CHMP6: variants seen among roughly 807,000 people sequenced by gnomAD.
The protein encoded by CHMP6 is charged multivesicular body protein 6, also known as chromatin-modifying protein 6.
In CHMP6, 10 loss-of-function variants were observed where a neutral mutation model predicts 32.8. The ratio of observed to expected loss-of-function variants is 0.30; its 90% CI spans 0.19 to 0.52. The LOEUF (loss-of-function observed/expected upper bound fraction) is 0.52. CHMP6 is among the 20% of genes least tolerant of loss of function. The pLI, the probability that CHMP6 is intolerant of heterozygous loss-of-function variation, is 0.97. For synonymous variants in CHMP6, 123 were observed against 105.8 expected (o/e 1.16, Z -1.00); for missense variants, 269 against 263.8 (o/e 1.02, Z -0.14).
At chr17:80,997,194 A>C in intron 5 of CHMP6, 67 bp from the exon 6 acceptor site, 3 of 1,603,478 alleles carry the variant, frequency 1.9e-6, no homozygotes, top group Non-Finnish European at 2.6e-6. Context: ...ACCCAGCCAC[A>C]GGCCATCTCC....
intron 3 of CHMP6, among the ~76,000 whole-genome samples, chr17:80,995,379 A>G (rs919503111): frequency 1.3e-5 from 2 of 152,108 alleles, no homozygotes; most frequent in African/African-American, 4.8e-5. Context: ...AGGGGTCTGC[A>G]TGGGGACTGA....
At chr17:80,994,372 G>A (rs2069618241) in intron 1 of CHMP6, among the ~76,000 whole-genome samples, 1 of 152,204 alleles carries the variant, frequency 6.6e-6, no homozygotes, top group African/African-American at 2.4e-5. Flanking sequence ...CTCTGGTGGG[G>A]CCGCCTCTTG....
Position 80,991,942 on chromosome 17 carries a change from G to C in CHMP6, c.24G>C (p.Lys8Asn). 1 of 1,468,682 alleles carries C rather than the reference G, an allele frequency of 6.8e-7. No homozygotes were observed. Among genetic ancestry groups the C allele is most frequent in the Non-Finnish European group, 9.1e-7 (1 of 1,104,032 alleles). The allele number at this position is 1,468,682 out of a possible 1,614,324, so 91.0% of individuals were successfully genotyped here. A position where few individuals can be genotyped will look rare whatever the true frequency, so the allele number is the denominator to read the frequency against. The change falls in exon 1 of 8, where the codon AAG becomes AAC. Residue 8 changes from lysine to asparagine, a missense_variant. Physicochemically the swap from Lys to Asn is moderately conservative, Grantham distance 94. Transcript: ENST00000325167. ...CCATGGGTAACCTGTTCGGCCGCAA[G>C]AAGCAGAGCCGCGTCACGGAGCAGG... The part of the protein sequence containing the change: MGNLFGR[K>N]KQSRVTEQDK...
chr17:80,995,212 A>T, intron 3 of CHMP6, 106 bp downstream of exon 3: 1 of 1,124,750 alleles, frequency 8.9e-7, no homozygotes, highest in Non-Finnish European at 1.3e-6. Flanking sequence ...AGCTCCTCTC[A>T]GATGCCTCGG....
chr17:80,993,971 GGCATACTCTCGGCTCACT>G (rs2144146283), intron 1 of CHMP6, among the ~76,000 whole-genome samples: 1 of 152,170 alleles, frequency 6.6e-6, no homozygotes, highest in South Asian at 2.1e-4. Flanking sequence ...GGAACACAGT[GGCATACTCTCGGCTCACT>G]GCAAGCTCTG....
intron 6 of CHMP6, 132 bp downstream of exon 6, chr17:80,997,473 T>A: frequency 1.3e-6 from 1 of 746,898 alleles, no homozygotes; most frequent in Non-Finnish European, 2.2e-6. Context: ...GGTTTGTGAC[T>A]GGTTTTCCTA....
rs559321362 is a variant in CHMP6 at position 80,991,882 on chromosome 17, G to C, written c.-37G>C. On this transcript the variant is annotated 5_prime_UTR_variant, in exon 1 of 8. Coordinates refer to ENST00000325167, the MANE Select transcript of CHMP6 (RefSeq NM_024591.5). ...TGGCCGCGGGGCGGCGGTGGCGATT[G>C]GACTTGGTGGGTCCCGGGCCAGGGG... 2.9e-6 allele frequency: 4 copies of C among 1,381,672 alleles called. No individual in the cohort carries two copies. The South Asian group carries it at 6.3e-5, about 22-fold the overall frequency. The allele number at this position is 1,381,672 out of a possible 1,614,324, so 85.6% of individuals were successfully genotyped here.
rs138094117 is a variant in CHMP6 at position 80,994,495 on chromosome 17, G to A, written c.64-86G>A. 1,813 of 1,248,220 alleles carry A rather than the reference G, an allele frequency of 1.5e-3. 16 individuals carry two copies. In the African/African-American group the frequency reaches 0.025, roughly 18 times the overall value. 77.3% of individuals were successfully genotyped at this position (1,248,220 alleles called of 1,614,324 possible). A position where few individuals can be genotyped will look rare whatever the true frequency, so the allele number is the denominator to read the frequency against. On this transcript the variant is annotated intron_variant, in intron 1 of 7. Coordinates refer to ENST00000325167, the MANE Select transcript of CHMP6 (RefSeq NM_024591.5). ...CCATGAAGGACACTCACGGAGGGCC[G>A]CCCGGCCTCCATGCCTGGCGCTCAG...
intron 1 of CHMP6, among the ~76,000 whole-genome samples, chr17:80,992,368 T>G (rs2069600134): frequency 7.0e-6 from 1 of 142,786 alleles, no homozygotes; most frequent in Non-Finnish European, 1.5e-5. Context: ...CGGGAGCAGG[T>G]CCCGGCTCTC....
intron 4 of CHMP6, among the ~76,000 whole-genome samples, chr17:80,996,324 A>G (rs556384384): frequency 3.4e-5 from 5 of 149,236 alleles, no homozygotes; most frequent in Non-Finnish European, 6.0e-5. Flanking sequence ...CGTCTCAGGA[A>G]AAAAAAAAAA....
rs540974198 is a variant in CHMP6, at chr17:80,996,942, G to A, written c.349-65G>A. 9.3e-6 allele frequency: 14 copies of A among 1,497,718 alleles called. No individual in the cohort carries two copies. In the South Asian group the frequency reaches 1.5e-4, roughly 16 times the overall value. 92.8% of individuals were successfully genotyped at this position (1,497,718 alleles called of 1,614,324 possible). ...GGCCATGGCCCTGAGAGCCCAGGAG[G>A]CCTCTGTCGGGGGTCTACCATTGGC... On this transcript the variant is annotated intron_variant, in intron 4 of 7. Transcript: ENST00000325167.
intron 7 of CHMP6, chr17:80,998,717 C>A: frequency 7.4e-7 from 1 of 1,355,968 alleles, no homozygotes; most frequent in Non-Finnish European, 9.5e-7. Flanking sequence ...GGGTGTAGCC[C>A]AGGATTAGCC....
intron 7 of CHMP6, chr17:80,998,771 C>A: frequency 9.6e-7 from 1 of 1,037,516 alleles, no homozygotes; most frequent in Non-Finnish European, 1.3e-6. Flanking sequence ...TCAGCACAGG[C>A]TCTCCAACCT....
intron 1 of CHMP6, among the ~76,000 whole-genome samples, chr17:80,994,371 G>A (rs1330444745): frequency 6.6e-6 from 1 of 152,186 alleles, no homozygotes; most frequent in Non-Finnish European, 1.5e-5. Flanking sequence ...CCTCTGGTGG[G>A]GCCGCCTCTT....
chr17:80,995,660 T>C lies in CHMP6; in HGVS notation c.262-12T>C. On this transcript the variant is annotated splice_polypyrimidine_tract_variant and intron_variant, in intron 3 of 7. Coordinates refer to ENST00000325167, the MANE Select transcript of CHMP6 (RefSeq NM_024591.5). The stretch of plus-strand genomic sequence containing the variant: ...TCCTCAGCACCTGCGTCTGCTCTGG[T>C]TTCCTTTTCAGGTTCAGAGTATTGA... The C allele has an allele frequency of 6.2e-7, 1 of 1,613,502 alleles. No homozygotes were observed. The highest frequency in any genetic ancestry group is 1.7e-5 in the Admixed American group (1 of 60,004).
intron 7 of CHMP6, 60 bp downstream of exon 7, chr17:80,998,480 G>A (rs1489031975): frequency 6.2e-7 from 1 of 1,613,202 alleles, no homozygotes; most frequent in African/African-American, 1.3e-5. Flanking sequence ...GTGGATTCTA[G>A]AAGGGAACAA....
At chr17:80,994,494 C>T (rs919365336) in intron 1 of CHMP6, 87 bp from the exon 2 acceptor site, 122 of 1,229,938 alleles carry the variant, frequency 9.9e-5, no homozygotes, top group Middle Eastern at 1.9e-4. Context: ...CACGGAGGGC[C>T]GCCCGGCCTC....
In CHMP6 at chr17:80,991,930, G is replaced by C. The variant is rs1313795929; in HGVS notation, c.12G>C (p.Leu4=). ...GGGCGGGCGCCGCCATGGGTAACCT[G>C]TTCGGCCGCAAGAAGCAGAGCCGCG... MGN[L]FGRKKQSRVT... is the part of the protein sequence containing the mutation. Residue 4 remains leucine, a synonymous_variant, in exon 1 of 8, where the codon CTG becomes CTC. Transcript: ENST00000325167. 17 of 1,469,344 alleles carry C rather than the reference G, an allele frequency of 1.2e-5. No homozygotes were observed. The highest frequency in any genetic ancestry group is 1.5e-5 in the Non-Finnish European group (17 of 1,104,926). The allele number at this position is 1,469,344 out of a possible 1,614,324, so 91.0% of individuals were successfully genotyped here. A position where few individuals can be genotyped will look rare whatever the true frequency, so the allele number is the denominator to read the frequency against.
chr17:80,997,786 C>T (rs2069652097), intron 6 of CHMP6, among the ~76,000 whole-genome samples: 1 of 152,202 alleles, frequency 6.6e-6, no homozygotes, highest in Non-Finnish European at 1.5e-5. Flanking sequence ...CCGCCAAATT[C>T]TCATGGTGCC....
Sources: gnomAD v4.1 joint callset for allele counts (sites outside exome capture counted in the v4.1 genomes callset) on GRCh38, gnomAD v4.1.1 for gene constraint, MANE v1.5 for transcripts, NCBI Gene and HGNC (gene_info 2026-07-23, HGNC 2026-07-21) for gene names.